Variants in IAH1 observed in about 807,000 individuals in gnomAD.
The protein encoded by IAH1 is isoamyl acetate hydrolyzing esterase 1 (putative), also known as isoamyl acetate-hydrolyzing esterase 1 homolog.
IAH1 carries 24 observed loss-of-function variants against 26.7 expected under a neutral mutation model. The observed-to-expected ratio is 0.90, with a 90% CI of 0.65 to 1.26. The LOEUF is 1.26. IAH1 is among the 50% of genes most tolerant of loss of function. The pLI, the probability that IAH1 is intolerant of heterozygous loss-of-function variation, is 0.00. For synonymous variants in IAH1, 140 were observed against 118.5 expected (o/e 1.18, Z -1.18); for missense variants, 300 against 299.9 (o/e 1.00, Z 0.00).
upstream of IAH1, among the ~76,000 whole-genome samples, chr2:9,474,355 G>C (rs953363260): frequency 1.3e-5 from 2 of 152,220 alleles, no homozygotes; most frequent in African/African-American, 4.8e-5. The surrounding 1 kb of genome is among the most constrained non-coding windows in gnomAD (Gnocchi z 4.3). Context: ...AGCGGGACGC[G>C]GGCTCCGGAC....
chr2:9,497,518 T>A (rs1223601638), downstream of IAH1, among the ~76,000 whole-genome samples: 1 of 152,178 alleles, frequency 6.6e-6, no homozygotes, highest in Non-Finnish European at 1.5e-5. Flanking sequence ...CTCACAGTCA[T>A]ATATAAAAGA....
chr2:9,482,000 T>A (rs1188137518), intron 4 of IAH1, among the ~76,000 whole-genome samples: 1 of 151,926 alleles, frequency 6.6e-6, no homozygotes, highest in Non-Finnish European at 1.5e-5. Context: ...CAGCTGTATG[T>A]TAATGTTGAA....
Position 9,474,802 on chromosome 2 carries a change from C to G in IAH1, c.81+155C>G. 1 of 572,084 alleles carries G rather than the reference C, an allele frequency of 1.7e-6. No individual in the cohort carries two copies. Among genetic ancestry groups the G allele is most frequent in the African/African-American group, 2.0e-5 (1 of 50,076 alleles). 35.4% of individuals were successfully genotyped at this position (572,084 alleles called of 1,614,324 possible). A position where few individuals can be genotyped will look rare whatever the true frequency, so the allele number is the denominator to read the frequency against. On this transcript the variant is annotated intron_variant, in intron 1 of 5. Transcript: ENST00000497473. This position sits in a 1 kb window ranked among gnomAD's most constrained non-coding sequence, Gnocchi z 4.3. Reference sequence around the variant, plus strand: ...GAGACACCGGAGGAGTGGCGGGTCCCCCAGTGGCTGCGCCTTCCGGGCCCG... The same window carrying G: ...GAGACACCGGAGGAGTGGCGGGTCCGCCAGTGGCTGCGCCTTCCGGGCCCG...
intron 3 of IAH1, chr2:9,480,812 G>A (rs17524181): frequency 6.5e-6 from 1 of 154,126 alleles, no homozygotes; most frequent in South Asian, 2.0e-4. Flanking sequence ...CTTGCTTTGT[G>A]AAGGCACACT....
chr2:9,490,485 A>G, downstream of IAH1: 1 of 1,613,958 alleles, frequency 6.2e-7, no homozygotes, highest in Non-Finnish European at 8.5e-7. Context: ...ATGCGAACCG[A>G]TGCAGAATCC....
At chr2:9,505,317 T>TA in the IAH1 span, 1 of 1,614,190 alleles carries the variant, frequency 6.2e-7, no homozygotes, top group Non-Finnish European at 8.5e-7. Flanking sequence ...TCCTGGGCCT[T>TA]ACTTTCAATG....
chr2:9,511,606 T>C, the IAH1 span, among the ~76,000 whole-genome samples: 1 of 152,380 alleles, frequency 6.6e-6, no homozygotes, highest in African/African-American at 2.4e-5. Flanking sequence ...GATTATCAGA[T>C]GATTTCTATA....
downstream of IAH1, among the ~76,000 whole-genome samples, chr2:9,501,251 T>TA (rs536264722): frequency 2.1e-4 from 32 of 149,090 alleles, no homozygotes; most frequent in South Asian, 6.4e-4. Flanking sequence ...CAAGGGCTGT[T>TA]AAAAAAAAAA....
chr2:9,490,696 A>G (rs1381480689), downstream of IAH1, among the ~76,000 whole-genome samples: 1 of 152,196 alleles, frequency 6.6e-6, no homozygotes, highest in African/African-American at 2.4e-5. Context: ...TTGGTGCAAA[A>G]GTAATTAATG....
chr2:9,505,481 C>T, the IAH1 span: 17 of 1,088,728 alleles, frequency 1.6e-5, no homozygotes, highest in Admixed American at 3.6e-4. Context: ...ATCAGAGCCA[C>T]CCTGGAGTTA....
At chr2:9,492,847 T>C (rs1359948666), downstream of IAH1, 5 of 1,482,414 alleles carry the variant, frequency 3.4e-6, no homozygotes, top group Non-Finnish European at 4.6e-6. Flanking sequence ...ATGGTTGGAG[T>C]TGATCAAAAT....
the IAH1 span, chr2:9,505,100 G>T: frequency 6.5e-7 from 1 of 1,536,494 alleles, no homozygotes; most frequent in South Asian, 1.1e-5. Flanking sequence ...TGCAAGTTCA[G>T]TCTTCTCTTA....
At chr2:9,477,268 G>A (rs948440471) in intron 2 of IAH1, among the ~76,000 whole-genome samples, 1 of 152,076 alleles carries the variant, frequency 6.6e-6, no homozygotes, top group African/African-American at 2.4e-5. Context: ...CTCCGCGGGT[G>A]CCCCAGCTTC....
chr2:9,476,483 T>A (rs1275365221), intron 2 of IAH1, among the ~76,000 whole-genome samples: 1 of 152,258 alleles, frequency 6.6e-6, no homozygotes, highest in Non-Finnish European at 1.5e-5. Flanking sequence ...ACAGGGTCTC[T>A]TGTTAGGCGC....
intron 1 of IAH1, chr2:9,475,234 G>A: frequency 7.8e-7 from 1 of 1,283,628 alleles, no homozygotes; most frequent in Non-Finnish European, 1.0e-6. Context: ...ACTTCGGGGA[G>A]GGAGTAGAAA....
At position 9,487,825 on chromosome 2, in the gene IAH1, T is replaced by C. The variant is rs866513813; in HGVS notation, c.565-322T>C. Among the ~76,000 whole-genome samples the C allele has an allele frequency of 5.9e-3, 622 of 106,190 alleles. 5 individuals carry two copies. The highest frequency in any genetic ancestry group is 0.022 in the African/African-American group (574 of 26,396). The allele number at this position is 106,190 out of a possible 152,430, so 69.7% of individuals were successfully genotyped here. On this transcript the variant is annotated intron_variant, in intron 5 of 5. Transcript: ENST00000497473. ...GTGTGTGTGTGTGTGTGTGTGTGTG[T>C]GTGTGTGTGCGCGCGCGCGCGCGCG...
At chr2:9,501,288 C>T (rs1437040514), downstream of IAH1, among the ~76,000 whole-genome samples, 3 of 152,150 alleles carry the variant, frequency 2.0e-5, no homozygotes, top group Non-Finnish European at 4.4e-5. Context: ...ACTTTATACT[C>T]ATCATGCTAA....
downstream of IAH1, chr2:9,493,759 T>A (rs757433621): frequency 6.2e-7 from 1 of 1,613,908 alleles, no homozygotes; most frequent in Admixed American, 1.7e-5. Context: ...AAAGTATTGA[T>A]GCTCAGCTGG....
At chr2:9,485,023 C>T (rs1661394252) in intron 5 of IAH1, 1 of 155,490 alleles carries the variant, frequency 6.4e-6, no homozygotes, top group Non-Finnish European at 1.4e-5. Context: ...ACTCAGGAGA[C>T]AGCTGGTTTC....
Sources: allele counts gnomAD v4.1 joint callset (sites outside exome capture counted in the v4.1 genomes callset), GRCh38; gene constraint gnomAD v4.1.1; non-coding constraint Gnocchi (gnomAD v3.1); transcripts MANE v1.5; gene names NCBI Gene and HGNC (gene_info 2026-07-23, HGNC 2026-07-21).